The following RASSF3 variants were observed in gnomAD, a reference collection of about 807,000 sequenced individuals.
RASSF3 encodes the protein Ras association domain family member 3.
Under a neutral mutation model 19.9 loss-of-function variants are expected in RASSF3, and 19 were observed. The observed-to-expected ratio is 0.96, with a 90% confidence interval of 0.67 to 1.40. RASSF3 has a LOEUF of 1.40. Ranked by LOEUF, RASSF3 falls within the 40% of genes most tolerant of loss-of-function variation. The pLI is 0.00. For synonymous variants in RASSF3, 110 were observed against 104.2 expected, an observed-to-expected ratio of 1.06 and a Z score of -0.34; for missense variants, 306 against 289.8, an observed-to-expected ratio of 1.06 and a Z score of -0.41.
At chr12:64,523,331 G>A (rs756805639) in intron 1 of RASSF3, among the ~76,000 whole-genome samples, 3 of 152,040 alleles carry the variant, frequency 2.0e-5, no homozygotes, top group East Asian at 1.9e-4. Flanking sequence ...TCTTGAACCC[G>A]GGAGGTAGAG....
At chr12:64,627,442 G>A (rs1220865962) in intron 1 of RASSF3, among the ~76,000 whole-genome samples, 2 of 152,206 alleles carry the variant, frequency 1.3e-5, no homozygotes, top group African/African-American at 4.8e-5. Flanking sequence ...CAGGGAACTT[G>A]AGTTAATTTA....
intron 1 of RASSF3, among the ~76,000 whole-genome samples, chr12:64,626,587 T>A (rs1033997745): frequency 2.6e-5 from 4 of 152,126 alleles, no homozygotes; most frequent in Non-Finnish European, 4.4e-5. Context: ...AGACAGGGTC[T>A]CGCTGTGTCA....
chr12:64,673,777 A>T (rs969730057), intron 1 of RASSF3, among the ~76,000 whole-genome samples: 5 of 151,920 alleles, frequency 3.3e-5, no homozygotes, highest in African/African-American at 1.2e-4. Context: ...AATGAACGGC[A>T]TCTTAATTGA....
intron 1 of RASSF3, among the ~76,000 whole-genome samples, chr12:64,509,519 ATAG>A (rs1391868069): frequency 1.3e-5 from 2 of 152,176 alleles, no homozygotes; most frequent in Non-Finnish European, 2.9e-5. Flanking sequence ...AAACTATTAC[ATAG>A]GCAGAACCAG....
chr12:64,644,458 G>A (rs893861609), intron 1 of RASSF3, among the ~76,000 whole-genome samples: 4 of 152,110 alleles, frequency 2.6e-5, no homozygotes, highest in Non-Finnish European at 5.9e-5. Context: ...AACTTTAGGA[G>A]GCCGAGATGG....
intron 1 of RASSF3, among the ~76,000 whole-genome samples, chr12:64,650,837 T>C (rs1871927523): frequency 6.6e-6 from 1 of 152,222 alleles, no homozygotes; most frequent in South Asian, 2.1e-4. Flanking sequence ...TTACACATTT[T>C]TGCCTAAGCT....
intron 1 of RASSF3, among the ~76,000 whole-genome samples, chr12:64,613,347 A>AT (rs372033341): frequency 0.11 from 15,903 of 145,462 alleles, 932 homozygotes; most frequent in African/African-American, 0.15. Flanking sequence ...AGATACAGTG[A>AT]TTTTTTTTTT....
intron 1 of RASSF3, among the ~76,000 whole-genome samples, chr12:64,541,370 T>C (rs375170271): frequency 6.6e-5 from 10 of 152,180 alleles, no homozygotes; most frequent in African/African-American, 4.8e-5. Flanking sequence ...TATTCAGTGA[T>C]AGTGTGATTG....
rs912379455 is a variant in RASSF3 at position 64,656,489 on chromosome 12, GAA to G, written c.112-28295_112-28294del. Among the ~76,000 whole-genome samples, 14 of 152,296 alleles carry G rather than the reference GAA, an allele frequency of 9.2e-5. 1 individual carries two copies. The South Asian group carries it at 2.9e-3, about 32-fold the overall frequency. ...ATGCTGTTAATGAATTTGCAGTGCTGAAAAGATTCCAAAGTTGTGATTCTCTA... is the reference window on the plus strand; with the variant it reads ...ATGCTGTTAATGAATTTGCAGTGCTGAAGATTCCAAAGTTGTGATTCTCTA... On this transcript the variant is annotated intron_variant, in intron 1 of 4. Transcript: ENST00000542104.
intron 2 of RASSF3, among the ~76,000 whole-genome samples, chr12:64,562,624 A>ATTTATTGTAT (rs1555209235): frequency 1.3e-5 from 2 of 150,964 alleles, no homozygotes; most frequent in Non-Finnish European, 3.0e-5. Context: ...TTTAAATTTT[A>ATTTATTGTAT]TTTATTTTAT....
chr12:64,633,297 C>T (rs565249078), intron 1 of RASSF3, among the ~76,000 whole-genome samples: 3 of 152,254 alleles, frequency 2.0e-5, no homozygotes, highest in Admixed American at 6.5e-5. Flanking sequence ...TATGTTGAAA[C>T]GTGATCCACA....
Position 64,582,591 on chromosome 12 carries a change from A to G in RASSF3, c.294+40886A>G, listed in dbSNP as rs193088733. ...CATTTTGGCACAGAGATTCCTGGAT[A>G]TGGGACTTTGAGGGGTAGGTGAGGA... On this transcript the variant is annotated intron_variant, in intron 2 of 5. Coordinates refer to the RASSF3 transcript ENST00000637125. Among the ~76,000 whole-genome samples, 411 of 152,264 alleles carry G rather than the reference A, an allele frequency of 2.7e-3. 2 individuals are homozygous for G. The highest frequency in any genetic ancestry group is 9.5e-3 in the African/African-American group (395 of 41,568).
At position 64,620,014 on chromosome 12, in the gene RASSF3, C is replaced by CTG. The variant is rs68044550; in HGVS notation, c.111+9293_111+9294dup. ...AAAAAAAGAAATTAGTGCAGGTTGA[C>CTG]TGTGTGTGTGTGTGTGTGTGTGTAG... On this transcript the variant is annotated intron_variant, in intron 1 of 4. Transcript: ENST00000542104. 3.9e-3 allele frequency among the ~76,000 whole-genome samples: 520 copies of CTG among 134,224 alleles called. 2 individuals are homozygous for CTG. The highest frequency in any genetic ancestry group is 5.3e-3 in the Non-Finnish European group (341 of 64,418). 88.1% of individuals were successfully genotyped at this position (134,224 alleles called of 152,430 possible).
intron 1 of RASSF3, among the ~76,000 whole-genome samples, chr12:64,659,180 C>T (rs1161963452): frequency 1.3e-5 from 2 of 152,184 alleles, no homozygotes; most frequent in Non-Finnish European, 2.9e-5. Context: ...ACAGATCATT[C>T]TCAGAGGCAG....
chr12:64,588,433 C>T (rs1200542273), intron 2 of RASSF3, among the ~76,000 whole-genome samples: 1 of 151,806 alleles, frequency 6.6e-6, no homozygotes, highest in Non-Finnish European at 1.5e-5. Context: ...GCCTGTAATC[C>T]CAGCATTTAC....
At chr12:64,629,679 T>G (rs903581814) in intron 1 of RASSF3, among the ~76,000 whole-genome samples, 12 of 151,916 alleles carry the variant, frequency 7.9e-5, no homozygotes, top group Admixed American at 5.9e-4. Context: ...AAATGGTTTA[T>G]GTGGACCAGG....
intron 1 of RASSF3, among the ~76,000 whole-genome samples, chr12:64,522,677 T>C (rs1456920158): frequency 6.6e-6 from 1 of 151,720 alleles, no homozygotes; most frequent in Non-Finnish European, 1.5e-5. Flanking sequence ...GTGCCAGGAG[T>C]CTCAACGCAA....
rs1868402104 is a variant in RASSF3, at chr12:64,697,442, A to G, written c.*2530A>G. 1 of 152,198 alleles carries G rather than the reference A, an allele frequency of 6.6e-6. No individual in the cohort carries two copies. The allele number at this position is 152,198 out of a possible 1,614,324, so 9.4% of individuals were successfully genotyped here. On this transcript the variant is annotated 3_prime_UTR_variant, in exon 5 of 5. Coordinates refer to ENST00000542104, the MANE Select transcript of RASSF3 (RefSeq NM_178169.4). ...GGAGAGCATTTTAAATGGCAGAAGT[A>G]AAAAGTTATAATATTTATAATTTTG...
intron 1 of RASSF3, among the ~76,000 whole-genome samples, chr12:64,639,491 T>TGA (rs937968501): frequency 6.6e-6 from 1 of 152,188 alleles, no homozygotes; most frequent in African/African-American, 2.4e-5. Flanking sequence ...ATAATTTATT[T>TGA]GAAACTCTTT....
Sources: gnomAD v4.1 joint callset for allele counts (sites outside exome capture counted in the v4.1 genomes callset) on GRCh38, gnomAD v4.1.1 for gene constraint, MANE v1.5 for transcripts, NCBI Gene and HGNC (gene_info 2026-07-23, HGNC 2026-07-21) for gene names.